CTNND2: variants seen among roughly 807,000 people sequenced by gnomAD.
CTNND2 encodes the protein catenin delta 2, also known as catenin delta-2.
In CTNND2, 22 loss-of-function variants were observed where a neutral mutation model predicts 144.4. The observed-to-expected ratio is 0.15, with a 90% CI of 0.11 to 0.22. The LOEUF (loss-of-function observed/expected upper bound fraction) is 0.22, where lower values mean the gene tolerates loss of function less well. Among genes scored for constraint, CTNND2 ranks in the 10% least tolerant of loss-of-function variants. The pLI is 1.00. For synonymous variants in CTNND2, 751 were observed against 695.6 expected, an observed-to-expected ratio of 1.08 and a Z score of -1.25; for missense variants, 1,353 against 1,618.8, an observed-to-expected ratio of 0.84 and a Z score of 2.82.
intron 2 of CTNND2, among the ~76,000 whole-genome samples, chr5:11,699,936 G>GTACCA: frequency 6.6e-6 from 1 of 152,324 alleles, no homozygotes; most frequent in East Asian, 1.9e-4. Flanking sequence ...GTAGTAGAGG[G>GTACCA]AGTCGGATAC....
At chr5:11,529,442 C>T (rs900289967) in intron 3 of CTNND2, among the ~76,000 whole-genome samples, 1 of 152,140 alleles carries the variant, frequency 6.6e-6, no homozygotes, top group African/African-American at 2.4e-5. Flanking sequence ...ACAAGAAATA[C>T]ACACTGTGGT....
At chr5:11,608,069 T>G (rs998220126) in intron 2 of CTNND2, among the ~76,000 whole-genome samples, 3 of 152,126 alleles carry the variant, frequency 2.0e-5, no homozygotes, top group African/African-American at 4.8e-5. Context: ...ATACTGTCAA[T>G]TTTGACCCTC....
chr5:11,244,605 A>C (rs557381502), intron 9 of CTNND2, among the ~76,000 whole-genome samples: 2 of 152,212 alleles, frequency 1.3e-5, no homozygotes, highest in East Asian at 3.9e-4. Context: ...AATTAATCAC[A>C]TTTTTTCAAA....
intron 5 of CTNND2, among the ~76,000 whole-genome samples, chr5:11,404,519 A>C (rs761325257): frequency 3.3e-5 from 5 of 150,694 alleles, no homozygotes; most frequent in Non-Finnish European, 5.9e-5. Flanking sequence ...ACAAAAACTC[A>C]GTACATTAAG....
chr5:11,344,841 A>C (rs991417383), intron 9 of CTNND2, among the ~76,000 whole-genome samples: 28 of 152,230 alleles, frequency 1.8e-4, no homozygotes, highest in African/African-American at 6.3e-4. Flanking sequence ...TAAAATGGAA[A>C]GGATACGCCA....
intron 3 of CTNND2, among the ~76,000 whole-genome samples, chr5:11,471,172 T>G (rs2149955083): frequency 6.6e-6 from 1 of 151,078 alleles, no homozygotes; most frequent in Non-Finnish European, 1.5e-5. Flanking sequence ...AGAGACGGGG[T>G]TTCACAGTGT....
intron 1 of CTNND2, among the ~76,000 whole-genome samples, chr5:11,851,133 T>C (rs1177337781): frequency 1.3e-5 from 2 of 152,186 alleles, no homozygotes; most frequent in Admixed American, 6.5e-5. Flanking sequence ...TTTCAGACTT[T>C]ATACTGCAGC....
intron 7 of CTNND2, among the ~76,000 whole-genome samples, chr5:11,375,032 G>A (rs949222133): frequency 2.0e-5 from 3 of 151,996 alleles, no homozygotes; most frequent in Non-Finnish European, 2.9e-5. Flanking sequence ...CTTTGTAAAT[G>A]GGTTCAAATA....
chr5:11,630,777 T>C (rs1035616296), intron 2 of CTNND2, among the ~76,000 whole-genome samples: 1 of 151,712 alleles, frequency 6.6e-6, no homozygotes. Context: ...CATGGTGAAA[T>C]GCCGTCTCTA....
At position 11,368,846 on chromosome 5, in the gene CTNND2, T is replaced by TA. The variant is rs376066576; in HGVS notation, c.1178-3957dup. Reference sequence around the variant, plus strand: ...GTTTCCTCAAGTGTAGAAACAGAGATAATAATATAAATGGTATTGTTGGAG... The same window carrying TA: ...GTTTCCTCAAGTGTAGAAACAGAGATAAATAATATAAATGGTATTGTTGGAG... On this transcript the variant is annotated intron_variant, in intron 7 of 21. Coordinates refer to ENST00000304623, the MANE Select transcript of CTNND2 (RefSeq NM_001332.4). 4.6e-3 allele frequency among the ~76,000 whole-genome samples: 705 copies of TA among 152,314 alleles called. 6 individuals are homozygous for TA. Among genetic ancestry groups the TA allele is most frequent in the African/African-American group, 0.016 (679 of 41,548 alleles).
chr5:11,319,841 T>A (rs1378524537), intron 9 of CTNND2, among the ~76,000 whole-genome samples: 1 of 152,240 alleles, frequency 6.6e-6, no homozygotes, highest in South Asian at 2.1e-4. Context: ...TACAGTTATC[T>A]GTATTTTTTC....
chr5:11,392,394 T>C (rs1759713144), intron 6 of CTNND2, among the ~76,000 whole-genome samples: 1 of 152,210 alleles, frequency 6.6e-6, no homozygotes, highest in South Asian at 2.1e-4. Flanking sequence ...GAAGAATACG[T>C]AAGGAGAGAT....
intron 1 of CTNND2, among the ~76,000 whole-genome samples, chr5:11,740,717 G>A (rs1265808999): frequency 6.6e-6 from 1 of 152,140 alleles, no homozygotes; most frequent in Non-Finnish European, 1.5e-5. Flanking sequence ...AAGAGCTTAT[G>A]CATAGCAAAA....
At chr5:11,829,353 C>T (rs2126958204) in intron 1 of CTNND2, among the ~76,000 whole-genome samples, 1 of 152,332 alleles carries the variant, frequency 6.6e-6, no homozygotes, top group East Asian at 1.9e-4. Flanking sequence ...CAACCAGCCA[C>T]TCCCATCACA....
intron 9 of CTNND2, among the ~76,000 whole-genome samples, chr5:11,294,806 T>C (rs1207598961): frequency 6.6e-6 from 1 of 152,116 alleles, no homozygotes; most frequent in Non-Finnish European, 1.5e-5. Context: ...AAACTCTCAA[T>C]AAAGTAGGTA....
chr5:11,265,114 C>G (rs758116238), intron 9 of CTNND2, among the ~76,000 whole-genome samples: 1 of 151,756 alleles, frequency 6.6e-6, no homozygotes, highest in African/African-American at 2.4e-5. Flanking sequence ...TCAACAAGTT[C>G]GAAGCAAAAC....
chr5:11,574,539 T>C (rs905197271), intron 2 of CTNND2, among the ~76,000 whole-genome samples: 5 of 152,178 alleles, frequency 3.3e-5, no homozygotes, highest in African/African-American at 4.8e-5. Context: ...GGAAGAACTA[T>C]AGCTCATCAT....
chr5:11,060,603 G>A (rs1196001748), intron 16 of CTNND2, among the ~76,000 whole-genome samples: 3 of 133,468 alleles, frequency 2.2e-5, no homozygotes, highest in African/African-American at 9.8e-5. Flanking sequence ...TTTTCCTGGG[G>A]TGGATAAACA....
At position 11,402,691 on chromosome 5, in the gene CTNND2, A is replaced by G. The variant is rs142001716; in HGVS notation, c.440-5488T>C. 8.9e-4 allele frequency among the ~76,000 whole-genome samples: 135 copies of G among 152,336 alleles called. 1 individual carries two copies. Among genetic ancestry groups the G allele is most frequent in the African/African-American group, 2.8e-3 (118 of 41,580 alleles). On this transcript the variant is annotated intron_variant, in intron 5 of 21. Transcript: ENST00000304623. ...AAAATAGTGGCTCAGCGCATCTACC[A>G]TTCCAAAAATGAGCTGAGAGAAAAA...
Sources: gnomAD v4.1 joint callset for allele counts (sites outside exome capture counted in the v4.1 genomes callset) on GRCh38, gnomAD v4.1.1 for gene constraint, MANE v1.5 for transcripts, NCBI Gene and HGNC (gene_info 2026-07-23, HGNC 2026-07-21) for gene names.